AGAP6: variants seen among roughly 807,000 people sequenced by gnomAD.
The protein encoded by AGAP6 is ArfGAP with GTPase domain, ankyrin repeat and PH domain 6, also known as arf-GAP with GTPase, ANK repeat and PH domain-containing protein 6.
A neutral mutation model predicts 63.9 loss-of-function variants in AGAP6; 29 were observed. The observed-to-expected ratio is 0.45, with a 90% CI of 0.34 to 0.62. The LOEUF is 0.62. AGAP6 is among the 20% of genes least tolerant of loss of function. The pLI is 0.01. For missense variants in AGAP6, 493 were observed against 884.9 expected (o/e 0.56, Z 5.62); for synonymous variants, 199 against 332.9 (o/e 0.60, Z 4.38).
intron 7 of AGAP6, 37 bp downstream of exon 7, chr10:50,008,113 T>C: frequency 6.2e-7 from 1 of 1,611,906 alleles, no homozygotes; most frequent in Non-Finnish European, 8.5e-7. Context: ...ATTTTCATCA[T>C]ACACTTGTAT....
intron 2 of AGAP6, among the ~76,000 whole-genome samples, chr10:49,990,351 A>G (rs61848263): frequency 0.19 from 29,013 of 152,010 alleles, 3,257 homozygotes; most frequent in Non-Finnish European, 0.27. Context: ...AGGCTGAGGC[A>G]GGAGAATTGC....
intron 4 of AGAP6, among the ~76,000 whole-genome samples, chr10:49,995,938 ATCTC>A (rs1841468778): frequency 1.3e-5 from 2 of 152,044 alleles, no homozygotes. Context: ...GCTTTTTAGA[ATCTC>A]TCTCTCTAAG....
chr10:49,996,297 A>G (rs1465505826), intron 4 of AGAP6, among the ~76,000 whole-genome samples: 11 of 149,606 alleles, frequency 7.4e-5, no homozygotes, highest in African/African-American at 1.7e-4. Context: ...CCTTTTTTCT[A>G]TTGTTTTGAT....
chr10:49,989,875 T>C (rs1214494000), intron 2 of AGAP6, among the ~76,000 whole-genome samples: 2 of 152,346 alleles, frequency 1.3e-5, no homozygotes, highest in African/African-American at 2.4e-5. Flanking sequence ...CTCTGATTAC[T>C]TTAAAATTCT....
At chr10:49,998,773 G>A (rs1399681324) in intron 4 of AGAP6, among the ~76,000 whole-genome samples, 5 of 141,110 alleles carry the variant, frequency 3.5e-5, no homozygotes, top group African/African-American at 1.4e-4. Flanking sequence ...ATTTTGATGG[G>A]AGTTGCATTG....
At chr10:50,001,325 G>GT (rs1477935118) in intron 4 of AGAP6, among the ~76,000 whole-genome samples, 2 of 149,144 alleles carry the variant, frequency 1.3e-5, no homozygotes, top group Admixed American at 6.7e-5. Flanking sequence ...GCGAGACTCC[G>GT]TCTCAAAAAT....
chr10:50,007,301 A>G (rs1315004372), intron 6 of AGAP6, among the ~76,000 whole-genome samples: 10 of 100,000 alleles, frequency 1.0e-4, no homozygotes, highest in Non-Finnish European at 1.8e-4. Context: ...CTGGGGTAGG[A>G]GAATCACTTG....
Position 50,009,977 on chromosome 10 carries a change from A to T in AGAP6, c.1852A>T (p.Thr618Ser). 6.2e-7 allele frequency: 1 copy of T among 1,612,030 alleles called. No individual in the cohort carries two copies. Among genetic ancestry groups the T allele is most frequent in the Non-Finnish European group, 8.5e-7 (1 of 1,179,854 alleles). ...TGGCTCCTGTGAGGAGGTGAACGAG[A>T]CCTGTGGGGAGGGAGACGGCTGCAC... ...AHGSCEEVNE[T>S]CGEGDGCTAL... Residue 618 changes from threonine to serine, a missense_variant, in exon 8 of 8, where the codon ACC becomes TCC. Physicochemically the swap from Thr to Ser is moderately conservative, Grantham distance 58. Coordinates refer to ENST00000412531, the MANE Select transcript of AGAP6 (RefSeq NM_001077665.3).
intron 6 of AGAP6, among the ~76,000 whole-genome samples, chr10:50,005,397 G>T (rs1438270255): frequency 5.3e-5 from 8 of 151,896 alleles, no homozygotes; most frequent in Non-Finnish European, 8.8e-5. Flanking sequence ...GGATCACAAG[G>T]TCAGGAGATC....
At chr10:50,005,128 G>A (rs1397823587) in intron 6 of AGAP6, among the ~76,000 whole-genome samples, 7 of 152,114 alleles carry the variant, frequency 4.6e-5, no homozygotes, top group African/African-American at 1.7e-4. Flanking sequence ...CATGACCCAG[G>A]TTATAACAAC....
chr10:50,009,543 T>C lies in AGAP6; in HGVS notation c.1418T>C (p.Met473Thr), dbSNP rs1398777709. 3.1e-6 allele frequency: 5 copies of C among 1,613,526 alleles called. No individual in the cohort carries two copies. The East Asian group carries it at 8.9e-5, about 29-fold the overall frequency. Residue 473 changes from methionine (M) to threonine (T), a missense_variant, in exon 8 of 8, where the codon ATG (methionine) becomes ACG (threonine). Met to Thr is a moderately conservative substitution (Grantham distance 81). Coordinates refer to ENST00000412531, the MANE Select transcript of AGAP6 (RefSeq NM_001077665.3). The stretch of plus-strand genomic sequence containing the variant: ...ATGGCCCTGCAGTCGATCCAAAACA[T>C]GCGTGGGAACGCCCACTGTGTGGAC... Reference protein sequence around the residue: ...EAMALQSIQNMRGNAHCVDCE... With the variant: ...EAMALQSIQNTRGNAHCVDCE...
chr10:50,004,160 G>C (rs1841814986), intron 5 of AGAP6, among the ~76,000 whole-genome samples: 1 of 151,416 alleles, frequency 6.6e-6, no homozygotes, highest in Admixed American at 6.6e-5. Context: ...ACTCCAGCCT[G>C]GGCAACAAGA....
At chr10:50,002,953 TG>T (rs1337812269) in intron 5 of AGAP6, among the ~76,000 whole-genome samples, 3 of 150,714 alleles carry the variant, frequency 2.0e-5, no homozygotes, top group Non-Finnish European at 4.4e-5. Context: ...TCCTGAGCTT[TG>T]GGACCTATTG....
intron 3 of AGAP6, among the ~76,000 whole-genome samples, 199 bp from the exon 4 acceptor site, chr10:49,994,195 AC>A (rs1472665867): frequency 1.3e-5 from 2 of 152,178 alleles, no homozygotes; most frequent in Non-Finnish European, 2.9e-5. Context: ...CAAAAAGTAA[AC>A]TAAATGAAAA....
At chr10:49,993,341 A>G (rs1236040591) in intron 3 of AGAP6, among the ~76,000 whole-genome samples, 2 of 152,174 alleles carry the variant, frequency 1.3e-5, no homozygotes, top group African/African-American at 4.8e-5. Context: ...CTCACTCTTC[A>G]GTGGTAGGAG....
intron 3 of AGAP6, among the ~76,000 whole-genome samples, chr10:49,992,709 T>C (rs1456016223): frequency 6.6e-6 from 1 of 151,590 alleles, no homozygotes; most frequent in African/African-American, 2.4e-5. Flanking sequence ...GGGAAGCAGG[T>C]GGTTCCACAC....
At chr10:49,993,306 G>A (rs1358295017) in intron 3 of AGAP6, among the ~76,000 whole-genome samples, 1 of 152,124 alleles carries the variant, frequency 6.6e-6, no homozygotes, top group Non-Finnish European at 1.5e-5. Flanking sequence ...CATGGAAGCA[G>A]TAAAAGAAAA....
At chr10:50,006,994 A>C (rs1264040378) in intron 6 of AGAP6, among the ~76,000 whole-genome samples, 1 of 151,458 alleles carries the variant, frequency 6.6e-6, no homozygotes, top group Non-Finnish European at 1.5e-5. Flanking sequence ...TTGCTTTTAT[A>C]TAATCATGGC....
chr10:49,988,601 A>C lies in AGAP6; in HGVS notation c.-115A>C. 1 of 1,553,512 alleles carries C rather than the reference A, an allele frequency of 6.4e-7. No homozygotes were observed. Among genetic ancestry groups the C allele is most frequent in the East Asian group, 2.3e-5 (1 of 42,800 alleles). ...GGCCTCGCTGTGAGGTGGGCAGGCG[A>C]GGAGCGGGAAGACCATCTCTGCAAG... is the stretch of plus-strand genomic sequence containing the variant. On this transcript the variant is annotated 5_prime_UTR_variant, in exon 1 of 8. Transcript: ENST00000412531.
Sources: gnomAD v4.1 joint callset for allele counts (sites outside exome capture counted in the v4.1 genomes callset) on GRCh38, gnomAD v4.1.1 for gene constraint, MANE v1.5 for transcripts, NCBI Gene and HGNC (gene_info 2026-07-23, HGNC 2026-07-21) for gene names.